The following TAGAP variants were observed in gnomAD, a reference collection of about 807,000 sequenced individuals.
TAGAP encodes T cell activation RhoGTPase activating protein.
A neutral mutation model predicts 36.0 loss-of-function variants in TAGAP; 16 were observed. That is an observed-to-expected ratio of 0.44 (90% CI 0.30 to 0.68). The LOEUF (loss-of-function observed/expected upper bound fraction) is 0.68, where lower values mean the gene tolerates loss of function less well. TAGAP is among the 30% of genes least tolerant of loss of function. TAGAP has a pLI of 0.09. For missense variants in TAGAP, 794 were observed against 921.5 expected (o/e 0.86, Z 1.79); for synonymous variants, 372 against 377.4 (o/e 0.99, Z 0.17).
chr6:159,043,986 G>T lies in TAGAP; in HGVS notation c.73C>A (p.Gln25Lys). Residue 25 changes from glutamine (Q) to lysine (K), a missense_variant, in exon 3 of 10, where the codon CAA becomes AAA. Coordinates refer to ENST00000367066, the MANE Select transcript of TAGAP (RefSeq NM_054114.5). Reference protein sequence around the residue: ...ANNMETLIECQSEGDIKEHPL... With the variant: ...ANNMETLIECKSEGDIKEHPL... ...AAAAATTGCTTTCTTACCTCTGATT[G>T]ACATTCGATTAGTGTCTCCATATTA... 1 of 1,613,446 alleles carries T rather than the reference G, an allele frequency of 6.2e-7. No individual in the cohort carries two copies. Among genetic ancestry groups the T allele is most frequent in the East Asian group, 2.2e-5 (1 of 44,882 alleles).
In TAGAP at chr6:159,035,793, A is replaced by G. The variant is rs112221660; in HGVS notation, c.*34T>C. 94 of 1,546,802 alleles carry G rather than the reference A, an allele frequency of 6.1e-5. No individual in the cohort carries two copies. The African/African-American group carries it at 9.8e-4, about 16-fold the overall frequency. ...CTTTACAAGTCTCATATTTACAGAT[A>G]GCACAAGCTATGGCATGGCGTATGG... On this transcript the variant is annotated 3_prime_UTR_variant, in exon 10 of 10. Coordinates refer to ENST00000367066, the MANE Select transcript of TAGAP (RefSeq NM_054114.5).
intron 2 of TAGAP, 40 bp downstream of exon 2, chr6:159,044,080 G>A (rs756624305): frequency 1.4e-5 from 23 of 1,613,594 alleles, no homozygotes; most frequent in East Asian, 4.5e-5. Flanking sequence ...GCCCTTGCCT[G>A]TAGGAAACGT....
chr6:159,038,265 CTTTTTT>C (rs559846736), intron 8 of TAGAP, 37 bp from the exon 9 acceptor site: 15,327 of 457,190 alleles, frequency 0.034, 178 homozygotes, highest in African/African-American at 0.11. Flanking sequence ...AGCTTGAAGA[CTTTTTT>C]TTTTTTTTTT....
chr6:159,041,606 T>C lies in TAGAP; in HGVS notation c.316-91A>G. 2.1e-6 allele frequency: 3 copies of C among 1,406,292 alleles called. No homozygotes were observed. The highest frequency in any genetic ancestry group is 2.8e-6 in the Non-Finnish European group (3 of 1,060,656). The allele number at this position is 1,406,292 out of a possible 1,614,324, so 87.1% of individuals were successfully genotyped here. On this transcript the variant is annotated intron_variant, in intron 5 of 9. Transcript: ENST00000367066. The surrounding 1 kb of genome is among the most constrained non-coding windows in gnomAD (Gnocchi z 4.1). ...TAACAGGAATATTGATGTCAGATTTTGCTTTCAGTCCAGTTGCTGTCAATG... is the reference window on the plus strand; with the variant it reads ...TAACAGGAATATTGATGTCAGATTTCGCTTTCAGTCCAGTTGCTGTCAATG...
chr6:159,036,792 A>G lies in TAGAP; in HGVS notation c.1231T>C (p.Ser411Pro). The change falls in exon 10 of 10, where the codon TCT becomes CCT. Residue 411 changes from serine (S) to proline (P), a missense_variant. Ser to Pro is a moderately conservative substitution (Grantham distance 74). Coordinates refer to ENST00000367066, the MANE Select transcript of TAGAP (RefSeq NM_054114.5). This position sits in a 1 kb window ranked among gnomAD's most constrained non-coding sequence, Gnocchi z 4.9. ...EGDFPVPRVG[S>P]RLESEEAEDP... ...TCAGCCTCCTCACTTTCCAAACGAGAGCCTACCCGGGGCACGGGGAAGTCC... is the reference window on the plus strand; with the variant it reads ...TCAGCCTCCTCACTTTCCAAACGAGGGCCTACCCGGGGCACGGGGAAGTCC... 1 of 1,614,158 alleles carries G rather than the reference A, an allele frequency of 6.2e-7. No individual in the cohort carries two copies. Among genetic ancestry groups the G allele is most frequent in the South Asian group, 1.1e-5 (1 of 91,084 alleles).
Position 159,036,455 on chromosome 6 carries a change from T to C in TAGAP, c.1568A>G (p.Asn523Ser), listed in dbSNP as rs760436084. Residue 523 changes from asparagine to serine, a missense_variant, in exon 10 of 10, where the codon AAC becomes AGC. Coordinates refer to ENST00000367066, the MANE Select transcript of TAGAP (RefSeq NM_054114.5). The surrounding 1 kb of genome is among the most constrained non-coding windows in gnomAD (Gnocchi z 4.9). Reference sequence around the variant, plus strand: ...CGATTTCCCAGAGCCCGCGCTGAGGTTTTTGGTCAGCACTTTTTTGTGAGG... The same window carrying C: ...CGATTTCCCAGAGCCCGCGCTGAGGCTTTTGGTCAGCACTTTTTTGTGAGG... The part of the protein sequence containing the change: ...FAPHKKVLTK[N>S]LSAGSGKSQD... The C allele has an allele frequency of 6.2e-7, 1 of 1,613,592 alleles. No homozygotes were observed. Among genetic ancestry groups the C allele is most frequent in the Non-Finnish European group, 8.5e-7 (1 of 1,179,918 alleles).
intron 7 of TAGAP, 61 bp from the exon 8 acceptor site, chr6:159,039,370 C>T: frequency 6.5e-7 from 1 of 1,539,532 alleles, no homozygotes; most frequent in Non-Finnish European, 8.9e-7. Flanking sequence ...GTGTAGCAAG[C>T]TGAGAGTTTC....
chr6:159,036,289 C>T lies in TAGAP; in HGVS notation c.1734G>A (p.Val578=), dbSNP rs536073854. 22 of 1,613,194 alleles carry T rather than the reference C, an allele frequency of 1.4e-5. No individual in the cohort carries two copies. In the African/African-American group the frequency reaches 2.9e-4, roughly 22 times the overall value. Residue 578 remains valine (V), a synonymous_variant, in exon 10 of 10, where the codon GTG becomes GTA. Transcript: ENST00000367066. The surrounding 1 kb of genome is among the most constrained non-coding windows in gnomAD (Gnocchi z 4.9). ...GFCLRPHALS[V]DDVFQGADWE... Reference sequence around the variant, plus strand: ...AGTCAGCTCCCTGGAACACATCATCCACCGAGAGGGCGTGGGGTCTCAGGC... The same window carrying T: ...AGTCAGCTCCCTGGAACACATCATCTACCGAGAGGGCGTGGGGTCTCAGGC...
In TAGAP at chr6:159,035,771, T is replaced by A; in HGVS notation, c.*56A>T. The A allele has an allele frequency of 6.6e-7, 1 of 1,511,956 alleles. No individual in the cohort carries two copies. The highest frequency in any genetic ancestry group is 8.9e-7 in the Non-Finnish European group (1 of 1,123,296). The allele number at this position is 1,511,956 out of a possible 1,614,324, so 93.7% of individuals were successfully genotyped here. A position where few individuals can be genotyped will look rare whatever the true frequency, so the allele number is the denominator to read the frequency against. ...TAAAAACAATCTACAGGCAGTTCTT[T>A]ACAAGTCTCATATTTACAGATAGCA... On this transcript the variant is annotated 3_prime_UTR_variant, in exon 10 of 10. Coordinates refer to ENST00000367066, the MANE Select transcript of TAGAP (RefSeq NM_054114.5).
chr6:159,044,977 G>A lies in TAGAP; in HGVS notation c.-157C>T. On this transcript the variant is annotated 5_prime_UTR_variant, in exon 1 of 10. Coordinates refer to ENST00000367066, the MANE Select transcript of TAGAP (RefSeq NM_054114.5). Reference sequence around the variant, plus strand: ...CTGCTCCTTCTAGTCCACTGGGAGAGAGAGAGACCGAGCCGGTCTCCCTTC... The same window carrying A: ...CTGCTCCTTCTAGTCCACTGGGAGAAAGAGAGACCGAGCCGGTCTCCCTTC... 2.5e-6 allele frequency: 1 copy of A among 398,514 alleles called. No individual in the cohort carries two copies. Among genetic ancestry groups the A allele is most frequent in the Non-Finnish European group, 4.4e-6 (1 of 225,992 alleles). 24.7% of individuals were successfully genotyped at this position (398,514 alleles called of 1,614,324 possible).
chr6:159,038,955 T>C, intron 8 of TAGAP, 159 bp downstream of exon 8: 1 of 1,475,950 alleles, frequency 6.8e-7, no homozygotes, highest in East Asian at 2.5e-5. Flanking sequence ...GATACATGTA[T>C]CTGAGAGAGT....
chr6:159,040,979 A>G (rs1779726883), intron 6 of TAGAP, 147 bp from the exon 7 acceptor site: 1 of 648,070 alleles, frequency 1.5e-6, no homozygotes, highest in Non-Finnish European at 2.7e-6. Context: ...TGATGAATCC[A>G]GGGAACCCTC....
In TAGAP at chr6:159,036,648, C is replaced by G. The variant is rs150468963; in HGVS notation, c.1375G>C (p.Ala459Pro). ...GCGTCCAGCGAGCTGCTGGAGAAGGCTTTGAGAACCAGTGCCCGCGGGAGC... is the reference window on the plus strand; with the variant it reads ...GCGTCCAGCGAGCTGCTGGAGAAGGGTTTGAGAACCAGTGCCCGCGGGAGC... ...SVLPRALVLK[A>P]FSSSSLDASS... Residue 459 changes from alanine (A) to proline (P), a missense_variant, in exon 10 of 10, where the codon GCC becomes CCC. Ala to Pro is a conservative substitution (Grantham distance 27, BLOSUM62 -1). Transcript: ENST00000367066. The surrounding 1 kb of genome is among the most constrained non-coding windows in gnomAD (Gnocchi z 4.9). The G allele has an allele frequency of 3.1e-5, 50 of 1,614,014 alleles. No individual in the cohort carries two copies. In the African/African-American group the frequency reaches 5.9e-4, roughly 19 times the overall value.
intron 7 of TAGAP, among the ~76,000 whole-genome samples, chr6:159,040,030 A>G (rs1779691517): frequency 6.6e-6 from 1 of 152,202 alleles, no homozygotes; most frequent in Admixed American, 6.5e-5. Flanking sequence ...TTCTATACAT[A>G]TGTCATTGAA....
At position 159,035,854 on chromosome 6, in the gene TAGAP, G is replaced by A. The variant is rs754670269; in HGVS notation, c.2169C>T (p.Phe723=). The A allele has an allele frequency of 2.5e-6, 4 of 1,604,186 alleles. No homozygotes were observed. The highest frequency in any genetic ancestry group is 3.4e-6 in the Non-Finnish European group (4 of 1,171,806). The part of the protein sequence containing the change: ...CSQPVFEADQ[F]QYAKESYI ...AAATATACGATTCTTTGGCATATTG[G>A]AATTGGTCAGCCTCAAAGACCGGCT... Residue 723 remains phenylalanine (F), a synonymous_variant, in exon 10 of 10, where the codon TTC becomes TTT. Transcript: ENST00000367066.
At chr6:159,039,340 A>G in intron 7 of TAGAP, 31 bp from the exon 8 acceptor site, 2 of 1,602,980 alleles carry the variant, frequency 1.2e-6, no homozygotes, top group Non-Finnish European at 1.7e-6. Context: ...GTTAGTTTTC[A>G]AAAAGGCTAA....
Position 159,041,078 on chromosome 6 carries a change from CTGGATTT to C in TAGAP, c.478-253_478-247del. On this transcript the variant is annotated intron_variant, in intron 6 of 9. Transcript: ENST00000367066. The surrounding 1 kb of genome is among the most constrained non-coding windows in gnomAD (Gnocchi z 4.1). ...CAGGTGGGTGTGTTCTGAGGGGCCACTGGATTTTGACGTATGGATTCTGCCACGGAAC... is the reference window on the plus strand; with the variant it reads ...CAGGTGGGTGTGTTCTGAGGGGCCACTGACGTATGGATTCTGCCACGGAAC... 1.7e-6 allele frequency: 1 copy of C among 586,086 alleles called. No homozygotes were observed. The highest frequency in any genetic ancestry group is 3.0e-6 in the Non-Finnish European group (1 of 336,258). The allele number at this position is 586,086 out of a possible 1,614,324, so 36.3% of individuals were successfully genotyped here.
At position 159,038,174 on chromosome 6, in the gene TAGAP, T is replaced by C; in HGVS notation, c.838A>G (p.Asn280Asp). ...GTGATACTGGAATGCACTGGAATGT[T>C]CTCCCCAAATATTTCAAAGCAGTTA... is the stretch of plus-strand genomic sequence containing the variant. The part of the protein sequence containing the change: ...IDNCFEIFGE[N>D]IPVHSSITSD... The change falls in exon 9 of 10, where the codon AAC becomes GAC. Residue 280 changes from asparagine to aspartate, a missense_variant. By Grantham distance (23) the Asn-to-Asp change is conservative (BLOSUM62 1). Coordinates refer to ENST00000367066, the MANE Select transcript of TAGAP (RefSeq NM_054114.5). 1 of 1,613,716 alleles carries C rather than the reference T, an allele frequency of 6.2e-7. No individual in the cohort carries two copies. Among genetic ancestry groups the C allele is most frequent in the Non-Finnish European group, 8.5e-7 (1 of 1,179,848 alleles).
In TAGAP at chr6:159,041,477, C is replaced by A; in HGVS notation, c.354G>T (p.Thr118=). Residue 118 remains threonine (T), a synonymous_variant, in exon 6 of 10, where the codon ACG becomes ACT. Coordinates refer to ENST00000367066, the MANE Select transcript of TAGAP (RefSeq NM_054114.5). The surrounding 1 kb of genome is among the most constrained non-coding windows in gnomAD (Gnocchi z 4.1). ...LTILCLKGPS[T]EGIFRRAANE... ...TGGCTGCTCTCCTGAATATCCCTTC[C>A]GTTGAAGGGCCTTTAAGGCATAGAA... 1 of 1,614,148 alleles carries A rather than the reference C, an allele frequency of 6.2e-7. No homozygotes were observed. Among genetic ancestry groups the A allele is most frequent in the Non-Finnish European group, 8.5e-7 (1 of 1,180,014 alleles).
Sources: gnomAD v4.1 joint callset for allele counts (sites outside exome capture counted in the v4.1 genomes callset) on GRCh38, gnomAD v4.1.1 for gene constraint, Gnocchi (gnomAD v3.1) non-coding constraint, MANE v1.5 for transcripts, NCBI Gene and HGNC (gene_info 2026-07-23, HGNC 2026-07-21) for gene names.